COG3: variants seen among roughly 807,000 people sequenced by gnomAD.
COG3 encodes conserved oligomeric Golgi complex subunit 3.
A neutral mutation model predicts 114.1 loss-of-function variants in COG3; 32 were observed. The observed-to-expected ratio is 0.28, with a 90% CI of 0.21 to 0.38. COG3 has a LOEUF of 0.38. Among genes scored for constraint, COG3 ranks in the 10% least tolerant of loss-of-function variants. COG3 has a pLI of 1.00. For missense variants in COG3, 813 were observed against 973.2 expected, an observed-to-expected ratio of 0.84 and a Z score of 2.19; for synonymous variants, 352 against 365.7, an observed-to-expected ratio of 0.96 and a Z score of 0.43.
At chr13:45,497,948 A>G (rs1227279960) in intron 13 of COG3, among the ~76,000 whole-genome samples, 1 of 152,250 alleles carries the variant, frequency 6.6e-6, no homozygotes, top group East Asian at 1.9e-4. Context: ...GAGGTTAAAT[A>G]AGCAAAACAA....
At chr13:45,486,845 G>A (rs1886699845) in intron 8 of COG3, among the ~76,000 whole-genome samples, 1 of 152,198 alleles carries the variant, frequency 6.6e-6, no homozygotes, top group African/African-American at 2.4e-5. Flanking sequence ...TTGGCTGGTG[G>A]TCTTGAAGGG....
chr13:45,471,067 C>G (rs1386212203), intron 1 of COG3, among the ~76,000 whole-genome samples: 5 of 152,208 alleles, frequency 3.3e-5, no homozygotes, highest in East Asian at 1.9e-4. Context: ...CACAGCCTAC[C>G]TCTAAATATT....
At chr13:45,490,663 TA>T (rs983092403) in intron 8 of COG3, among the ~76,000 whole-genome samples, 5 of 152,032 alleles carry the variant, frequency 3.3e-5, no homozygotes, top group Admixed American at 6.6e-5. Flanking sequence ...AAAAACAGAT[TA>T]TAAAGCAGAA....
At chr13:45,511,985 T>G in intron 16 of COG3, 131 bp downstream of exon 16, 1 of 674,516 alleles carries the variant, frequency 1.5e-6, no homozygotes, top group East Asian at 2.7e-5. Context: ...ATTTTGAGGC[T>G]CTTTGAGAGA....
chr13:45,508,396 A>C (rs972744030), intron 14 of COG3, among the ~76,000 whole-genome samples: 1 of 101,974 alleles, frequency 9.8e-6, no homozygotes, highest in Non-Finnish European at 1.9e-5. Flanking sequence ...TTATATATAT[A>C]TATATATACA....
intron 7 of COG3, among the ~76,000 whole-genome samples, chr13:45,484,523 CAT>C (rs1219319637): frequency 2.0e-5 from 3 of 152,080 alleles, no homozygotes; most frequent in South Asian, 2.1e-4. Flanking sequence ...AATTATTTCT[CAT>C]GTGTAGCCAT....
chr13:45,481,200 AATT>A, intron 4 of COG3, 27 bp from the exon 5 acceptor site: 1 of 1,244,454 alleles, frequency 8.0e-7, no homozygotes, highest in Non-Finnish European at 1.2e-6. Flanking sequence ...TTCTTATAAT[AATT>A]GATTTTTCTC....
rs752865576 is a variant in COG3 at position 45,486,479 on chromosome 13, C to T, written c.844-16C>T. 2.0e-6 allele frequency: 3 copies of T among 1,494,476 alleles called. No individual in the cohort carries two copies. Among genetic ancestry groups the T allele is most frequent in the Non-Finnish European group, 2.8e-6 (3 of 1,071,748 alleles). The allele number at this position is 1,494,476 out of a possible 1,614,324, so 92.6% of individuals were successfully genotyped here. A position where few individuals can be genotyped will look rare whatever the true frequency, so the allele number is the denominator to read the frequency against. On this transcript the variant is annotated splice_polypyrimidine_tract_variant and intron_variant, in intron 7 of 22. Transcript: ENST00000349995. ...CTAATTATCTTCCTTCCTTATCCTCCCCCATGTTTCTTTAGGATCCTTCAT... is the reference window on the plus strand; with the variant it reads ...CTAATTATCTTCCTTCCTTATCCTCTCCCATGTTTCTTTAGGATCCTTCAT...
At chr13:45,504,960 G>A (rs1324659912) in intron 14 of COG3, among the ~76,000 whole-genome samples, 3 of 152,108 alleles carry the variant, frequency 2.0e-5, no homozygotes, top group Non-Finnish European at 4.4e-5. Context: ...GCTGAGGTGG[G>A]CGGATCACCT....
At chr13:45,486,448 T>C (rs1027906250) in intron 7 of COG3, 47 bp from the exon 8 acceptor site, 14 of 1,188,210 alleles carry the variant, frequency 1.2e-5, no homozygotes, top group Non-Finnish European at 1.8e-5. Flanking sequence ...CTGAATTATT[T>C]GTTTGCTAAT....
chr13:45,470,704 T>C (rs1312129160), intron 1 of COG3, among the ~76,000 whole-genome samples: 2 of 152,240 alleles, frequency 1.3e-5, no homozygotes, highest in Admixed American at 1.3e-4. Context: ...GATAGACTTA[T>C]AATCGTTTTT....
In COG3 at chr13:45,492,254, G is replaced by A. The variant is rs377411457; in HGVS notation, c.1187+4G>A. The A allele has an allele frequency of 1.5e-4, 232 of 1,550,288 alleles. No individual in the cohort carries two copies. The highest frequency in any genetic ancestry group is 2.0e-4 in the Non-Finnish European group (221 of 1,126,160). On this transcript the variant is annotated splice_donor_region_variant and intron_variant, in intron 11 of 22. Transcript: ENST00000349995. The stretch of plus-strand genomic sequence containing the variant: ...CAAAACCAACATCAAAATTAGAGTA[G>A]GTGGACATGGAATCTAACTCTTGTT...
At chr13:45,484,529 T>C (rs994732438) in intron 7 of COG3, among the ~76,000 whole-genome samples, 1 of 152,142 alleles carries the variant, frequency 6.6e-6, no homozygotes, top group Non-Finnish European at 1.5e-5. Context: ...TTCTCATGTG[T>C]AGCCATAATA....
chr13:45,529,846 T>C lies in COG3; in HGVS notation c.2286T>C (p.Pro762=). The C allele has an allele frequency of 6.2e-7, 1 of 1,613,736 alleles. No individual in the cohort carries two copies. The highest frequency in any genetic ancestry group is 2.2e-5 in the East Asian group (1 of 44,854). The change falls in exon 21 of 23, where the codon CCT becomes CCC. Residue 762 remains proline (P), a synonymous_variant. Coordinates refer to ENST00000349995, the MANE Select transcript of COG3 (RefSeq NM_031431.4). ...TAYKTIKTKL[P]VTLRSMSLYL... ...ATAAGACAATAAAAACAAAGCTGCC[T>C]GTGACATTGAGAAGTATGTCCTTGT...
At position 45,535,619 on chromosome 13, in the gene COG3, A is replaced by G. The variant is rs1016861885; in HGVS notation, c.*888A>G. 1.2e-5 allele frequency: 12 copies of G among 985,532 alleles called. No individual in the cohort carries two copies. In the African/African-American group the frequency reaches 1.9e-4, roughly 16 times the overall value. 61.0% of individuals were successfully genotyped at this position (985,532 alleles called of 1,614,324 possible). A position where few individuals can be genotyped will look rare whatever the true frequency, so the allele number is the denominator to read the frequency against. ...GCCTTTGGTTTTAGCAGTTCTTTGA[A>G]AAGCAAACACTTTCATGTCCTGTCT... On this transcript the variant is annotated 3_prime_UTR_variant, in exon 23 of 23. Coordinates refer to ENST00000349995, the MANE Select transcript of COG3 (RefSeq NM_031431.4).
intron 1 of COG3, among the ~76,000 whole-genome samples, chr13:45,474,970 A>T (rs1885769975): frequency 6.6e-6 from 1 of 152,176 alleles, no homozygotes; most frequent in South Asian, 2.1e-4. Context: ...TAAATAAATT[A>T]ACACCTGGTC....
chr13:45,476,387 C>A, intron 2 of COG3, 40 bp downstream of exon 2: 1 of 1,590,456 alleles, frequency 6.3e-7, no homozygotes, highest in South Asian at 1.1e-5. Context: ...TTGATTATTT[C>A]AGATGTCTGA....
rs377551623 is a variant in COG3 at position 45,489,262 on chromosome 13, C to CA, written c.925-1635dup. On this transcript the variant is annotated intron_variant, in intron 8 of 22. Transcript: ENST00000349995. The stretch of plus-strand genomic sequence containing the variant: ...TTTTTGACAAAGTGAGACCCAGCCT[C>CA]AAAAAAAAAAAAAAAAAAGCCAACC... 2.2e-3 allele frequency among the ~76,000 whole-genome samples: 97 copies of CA among 43,602 alleles called. 13 individuals carry two copies. Among genetic ancestry groups the CA allele is most frequent in the African/African-American group, 8.9e-3 (93 of 10,478 alleles). 28.6% of individuals were successfully genotyped at this position (43,602 alleles called of 152,430 possible). A position where few individuals can be genotyped will look rare whatever the true frequency, so the allele number is the denominator to read the frequency against.
intron 16 of COG3, among the ~76,000 whole-genome samples, chr13:45,513,244 T>C (rs867687958): frequency 1.6e-5 from 1 of 60,964 alleles, no homozygotes; most frequent in African/African-American, 5.9e-5. Context: ...ACATATAAAT[T>C]ATACATATAA....
Sources: gnomAD v4.1 joint callset for allele counts (sites outside exome capture counted in the v4.1 genomes callset) on GRCh38, gnomAD v4.1.1 for gene constraint, MANE v1.5 for transcripts, NCBI Gene and HGNC (gene_info 2026-07-23, HGNC 2026-07-21) for gene names.